LPP: variants seen among roughly 807,000 people sequenced by gnomAD.
The protein encoded by LPP is LIM domain containing preferred translocation partner in lipoma, also known as lipoma-preferred partner.
A neutral mutation model predicts 60.4 loss-of-function variants in LPP; 38 were observed. The observed-to-expected ratio is 0.63, with a 90% CI of 0.49 to 0.83. The LOEUF is 0.83. Among genes scored for constraint, LPP ranks in the 40% least tolerant of loss-of-function variants. The probability of loss-of-function intolerance (pLI) is 0.00; values close to 1 mark genes in which losing one functional copy is unlikely to be tolerated. For missense variants in LPP, 902 were observed against 783.6 expected (o/e 1.15, Z -1.80); for synonymous variants, 328 against 290.8 (o/e 1.13, Z -1.30).
intron 4 of LPP, among the ~76,000 whole-genome samples, chr3:188,481,329 G>A (rs1270289940): frequency 6.6e-6 from 1 of 152,168 alleles, no homozygotes; most frequent in African/African-American, 2.4e-5. Flanking sequence ...TGATGGTTAA[G>A]CTTAAAGAAC....
intron 7 of LPP, among the ~76,000 whole-genome samples, chr3:188,660,388 TG>T (rs1854308325): frequency 3.3e-5 from 5 of 152,228 alleles, no homozygotes; most frequent in Non-Finnish European, 5.9e-5. Context: ...GTACATGCTT[TG>T]AGGTGTGTGT....
chr3:188,507,514 A>G (rs563288893), intron 5 of LPP, among the ~76,000 whole-genome samples: 10 of 152,026 alleles, frequency 6.6e-5, no homozygotes, highest in Non-Finnish European at 1.2e-4. Flanking sequence ...GTGAAATCAC[A>G]TAAGTTTCCC....
intron 9 of LPP, among the ~76,000 whole-genome samples, chr3:188,843,786 C>CAAAAAAAAACAAAAAAAAAAAA (rs1760740344): frequency 1.3e-5 from 1 of 75,734 alleles, no homozygotes; most frequent in African/African-American, 4.9e-5. Flanking sequence ...GACTCCGTCT[C>CAAAAAAAAACAAAAAAAAAAAA]AAAAAAAAAA....
At chr3:188,367,195 C>T (rs112266823) in intron 3 of LPP, among the ~76,000 whole-genome samples, 2 of 151,812 alleles carry the variant, frequency 1.3e-5, no homozygotes, top group Non-Finnish European at 2.9e-5. Context: ...TGCACCTGGC[C>T]AGAAAGTTGA....
intron 2 of LPP, among the ~76,000 whole-genome samples, chr3:188,227,615 A>T (rs1718304560): frequency 6.6e-6 from 1 of 152,102 alleles, no homozygotes; most frequent in African/African-American, 2.4e-5. Context: ...TGCAGAGGTC[A>T]TGTGAGCCTC....
At chr3:188,476,223 G>T (rs1803185679) in intron 4 of LPP, among the ~76,000 whole-genome samples, 1 of 151,926 alleles carries the variant, frequency 6.6e-6, no homozygotes, top group Admixed American at 6.6e-5. Context: ...AGTTCTATTT[G>T]TTTGTTTTTC....
chr3:188,255,024 T>C (rs544488934), intron 2 of LPP, among the ~76,000 whole-genome samples: 2 of 152,332 alleles, frequency 1.3e-5, no homozygotes, highest in East Asian at 3.9e-4. Flanking sequence ...TACTTAAGTA[T>C]TACTCCTGCC....
intron 9 of LPP, among the ~76,000 whole-genome samples, chr3:188,804,284 A>ATATATATAT (rs1367742182): frequency 1.0e-4 from 4 of 39,878 alleles, no homozygotes; most frequent in Non-Finnish European, 1.4e-4. Flanking sequence ...TATATATATA[A>ATATATATAT]AATGGAATAC....
chr3:188,536,423 C>T (rs1042610408), intron 6 of LPP, among the ~76,000 whole-genome samples: 1 of 152,156 alleles, frequency 6.6e-6, no homozygotes, highest in East Asian at 1.9e-4. Flanking sequence ...TACTTCTTGA[C>T]CCAGTATTTC....
At chr3:188,237,215 A>T (rs1312526559) in intron 2 of LPP, among the ~76,000 whole-genome samples, 1 of 152,190 alleles carries the variant, frequency 6.6e-6, no homozygotes, top group Non-Finnish European at 1.5e-5. Flanking sequence ...ACAGCAACAC[A>T]GTTGCATCTT....
chr3:188,801,616 T>C (rs1747304144), intron 9 of LPP, among the ~76,000 whole-genome samples: 1 of 152,180 alleles, frequency 6.6e-6, no homozygotes, highest in African/African-American at 2.4e-5. Context: ...CGAATCTATG[T>C]AGACACTCAG....
At chr3:188,793,565 A>C (rs1158889086) in intron 9 of LPP, among the ~76,000 whole-genome samples, 1 of 152,188 alleles carries the variant, frequency 6.6e-6, no homozygotes, top group East Asian at 1.9e-4. Flanking sequence ...ACATAAGAGT[A>C]AGCGGCCAGC....
intron 1 of LPP, among the ~76,000 whole-genome samples, chr3:188,201,912 G>A (rs1434732114): frequency 1.3e-5 from 2 of 151,962 alleles, no homozygotes; most frequent in African/African-American, 4.8e-5. Flanking sequence ...TGTGTAGGAC[G>A]TGGATATTTG....
At chr3:188,675,234 A>T (rs7612228) in intron 7 of LPP, among the ~76,000 whole-genome samples, 64,346 of 151,954 alleles carry the variant, frequency 0.42, 14,050 homozygotes, top group East Asian at 0.77. Context: ...GCAGTGTGTC[A>T]AGCCAGTGTG....
chr3:188,484,726 A>C lies in LPP; in HGVS notation c.306+22A>C, dbSNP rs748597890. On this transcript the variant is annotated intron_variant, in intron 5 of 11. Transcript: ENST00000617246. Reference sequence around the variant, plus strand: ...ACAGGTAAGAGCTGAAGTTAAAGTCATGTTAGGTAAGAGCTGAAGTTAAAG... The same window carrying C: ...ACAGGTAAGAGCTGAAGTTAAAGTCCTGTTAGGTAAGAGCTGAAGTTAAAG... 3.9e-6 allele frequency: 6 copies of C among 1,547,022 alleles called. No homozygotes were observed. In the Admixed American group the frequency reaches 1.0e-4, roughly 26 times the overall value.
chr3:188,638,831 G>C (rs9713627), intron 7 of LPP, among the ~76,000 whole-genome samples: 1 of 148,056 alleles, frequency 6.8e-6, no homozygotes, highest in South Asian at 2.2e-4. Context: ...CCTCTTCAAG[G>C]AGAACTACAA....
At chr3:188,652,224 G>A (rs771678366) in intron 7 of LPP, among the ~76,000 whole-genome samples, 5 of 152,124 alleles carry the variant, frequency 3.3e-5, no homozygotes, top group Non-Finnish European at 4.4e-5. Flanking sequence ...ACATTATTGC[G>A]CATGCTGCCA....
At chr3:188,195,754 A>C (rs1403709258) in intron 1 of LPP, among the ~76,000 whole-genome samples, 1 of 152,224 alleles carries the variant, frequency 6.6e-6, no homozygotes, top group East Asian at 1.9e-4. Context: ...TATTGGGTTA[A>C]ATTAAAATGC....
At chr3:188,577,752 C>CCTTCCTTCCTTT (rs772131875) in intron 6 of LPP, among the ~76,000 whole-genome samples, 6 of 114,986 alleles carry the variant, frequency 5.2e-5, no homozygotes, top group East Asian at 5.7e-4. Context: ...TTTGTTCCTT[C>CCTTCCTTCCTTT]GTTCCTTCGT....
Sources: gnomAD v4.1 joint callset for allele counts (sites outside exome capture counted in the v4.1 genomes callset) on GRCh38, gnomAD v4.1.1 for gene constraint, MANE v1.5 for transcripts, NCBI Gene and HGNC (gene_info 2026-07-23, HGNC 2026-07-21) for gene names.